EIF3CL: variants seen among roughly 807,000 people sequenced by gnomAD.
EIF3CL encodes the protein eukaryotic translation initiation factor 3 subunit C like.
For synonymous variants in EIF3CL, 2 were observed against 19.6 expected (o/e 0.10, Z 2.37); for missense variants, 5 against 56.1 (o/e 0.09, Z 2.91).
chr16:28,417,951 C>T, the EIF3CL span, among the ~76,000 whole-genome samples: 3 of 134,328 alleles, frequency 2.2e-5, no homozygotes, highest in Admixed American at 7.5e-5. Context: ...GCTGAGGCAG[C>T]AGTATCTCTT....
the EIF3CL span, among the ~76,000 whole-genome samples, chr16:28,410,691 A>G: frequency 1.3e-5 from 2 of 149,790 alleles, no homozygotes; most frequent in South Asian, 2.1e-4. Flanking sequence ...GGTTTAAGGG[A>G]TCCTCCTGTC....
intron 2 of EIF3CL, among the ~76,000 whole-genome samples, chr16:28,402,832 C>CA (rs1353975564): frequency 1.4e-5 from 1 of 73,514 alleles, no homozygotes; most frequent in African/African-American, 4.8e-5. Flanking sequence ...CACAGTGAGA[C>CA]ACCTTCTCTA....
At chr16:28,381,398 GTC>G (rs1567238619) in intron 16 of EIF3CL, among the ~76,000 whole-genome samples, 1 of 144,550 alleles carries the variant, frequency 6.9e-6, no homozygotes, top group Non-Finnish European at 1.5e-5. Flanking sequence ...GCGAGACTCT[GTC>G]TCAAAAAACA....
At chr16:28,417,305 T>G in the EIF3CL span, among the ~76,000 whole-genome samples, 46 of 147,634 alleles carry the variant, frequency 3.1e-4, no homozygotes, top group African/African-American at 1.1e-3. Context: ...CACCACCCCG[T>G]CTGGGAGGTG....
upstream of EIF3CL, among the ~76,000 whole-genome samples, chr16:28,405,882 TACACAC>T (rs374626829): frequency 3.3e-5 from 5 of 149,516 alleles, no homozygotes; most frequent in Middle Eastern, 3.5e-3. Context: ...TCTTTGTGTA[TACACAC>T]ACACACACAC....
the EIF3CL span, among the ~76,000 whole-genome samples, chr16:28,417,839 A>C: frequency 1.1e-4 from 17 of 148,830 alleles, no homozygotes; most frequent in Middle Eastern, 3.4e-3. Context: ...AAAAAAAAAA[A>C]AAAACTCAAA....
the EIF3CL span, among the ~76,000 whole-genome samples, chr16:28,417,719 CT>C: frequency 1.7e-5 from 2 of 120,670 alleles, no homozygotes; most frequent in African/African-American, 5.7e-5. Context: ...AACCAGAGAC[CT>C]TTGTTCACTT....
chr16:28,391,826 AG>A lies in EIF3CL; in HGVS notation c.968del (p.Thr323MetfsTer12), dbSNP rs774068967. The A allele has an allele frequency of 2.0e-5, 28 of 1,433,022 alleles. 6 individuals are homozygous for A. The highest frequency in any genetic ancestry group is 2.5e-5 in the Non-Finnish European group (27 of 1,059,476). 88.8% of individuals were successfully genotyped at this position (1,433,022 alleles called of 1,614,324 possible). A position where few individuals can be genotyped will look rare whatever the true frequency, so the allele number is the denominator to read the frequency against. ...TGATAACAACAGCATGGGTGATCTC[AG>A]TTCCCTTGGCAAACATTTTTGGCTT... is the stretch of plus-strand genomic sequence containing the variant. ...KEKPKMFAKG[T>X]EITHAVVIKK... On this transcript the variant is annotated frameshift_variant, in exon 10 of 21. Transcript: ENST00000380876. LOFTEE classifies it high-confidence loss of function.
chr16:28,415,055 C>A, the EIF3CL span: 1 of 371,766 alleles, frequency 2.7e-6, no homozygotes, highest in Non-Finnish European at 5.4e-6. Flanking sequence ...TGTGCAAGCC[C>A]CTAGGCGCCC....
chr16:28,416,735 A>G, the EIF3CL span, among the ~76,000 whole-genome samples: 9 of 103,684 alleles, frequency 8.7e-5, no homozygotes, highest in African/African-American at 2.2e-4. Context: ...CCCGGCAGCC[A>G]CCCCGTCCGG....
the EIF3CL span, chr16:28,414,642 T>C: frequency 6.3e-6 from 2 of 315,448 alleles, no homozygotes; most frequent in Admixed American, 4.8e-5. Context: ...TGACTGCTAG[T>C]GCATGGAGAG....
chr16:28,384,149 GT>G (rs1567238984), intron 15 of EIF3CL, among the ~76,000 whole-genome samples: 1 of 58,826 alleles, frequency 1.7e-5, no homozygotes, highest in Non-Finnish European at 3.9e-5. Context: ...CCATTTATGA[GT>G]TTTTTTTTTT....
At chr16:28,384,084 A>G (rs2141650968) in intron 15 of EIF3CL, among the ~76,000 whole-genome samples, 1 of 22,688 alleles carries the variant, frequency 4.4e-5, no homozygotes, top group African/African-American at 9.9e-5. Flanking sequence ...GGGGCGCAAC[A>G]CAGCTAGGGC....
chr16:28,426,114 C>T, the EIF3CL span, among the ~76,000 whole-genome samples: 3 of 110,436 alleles, frequency 2.7e-5, 1 homozygote, highest in Non-Finnish European at 5.7e-5. Context: ...CACACACACA[C>T]ACACACGCAA....
At chr16:28,418,050 A>G in the EIF3CL span, among the ~76,000 whole-genome samples, 3 of 150,956 alleles carry the variant, frequency 2.0e-5, no homozygotes, top group African/African-American at 7.3e-5. Context: ...TCTCAAAAAA[A>G]AAAAAAAAGA....
At chr16:28,414,940 C>A in the EIF3CL span, 19 of 509,212 alleles carry the variant, frequency 3.7e-5, no homozygotes, top group Non-Finnish European at 4.8e-5. Flanking sequence ...GTCAGCGAGG[C>A]CAAGGAGGGA....
At chr16:28,417,759 T>C in the EIF3CL span, among the ~76,000 whole-genome samples, 3 of 137,182 alleles carry the variant, frequency 2.2e-5, no homozygotes, top group Non-Finnish European at 4.8e-5. Context: ...CCTCCACTAT[T>C]GTCCCATGAC....
At chr16:28,424,250 A>G in the EIF3CL span, among the ~76,000 whole-genome samples, 1 of 100,864 alleles carries the variant, frequency 9.9e-6, no homozygotes, top group Middle Eastern at 4.7e-3. Context: ...GGCCTCCCAA[A>G]GTGCTGGGAT....
the EIF3CL span, among the ~76,000 whole-genome samples, chr16:28,418,816 G>C: frequency 2.1e-5 from 3 of 144,120 alleles, no homozygotes; most frequent in East Asian, 6.6e-4. Flanking sequence ...TTTTAGTAGA[G>C]ATAGGGTTTC....
Sources: allele counts gnomAD v4.1 joint callset (sites outside exome capture counted in the v4.1 genomes callset), GRCh38; gene constraint gnomAD v4.1.1; transcripts MANE v1.5; gene names NCBI Gene and HGNC (gene_info 2026-07-23, HGNC 2026-07-21).